The following FAF2 variants were observed in gnomAD, a reference collection of about 807,000 sequenced individuals.
FAF2 encodes the protein FAS-associated factor 2.
Under a neutral mutation model 62.3 loss-of-function variants are expected in FAF2, and 9 were observed. That is an observed-to-expected ratio of 0.14 (90% CI 0.09 to 0.25). The LOEUF (loss-of-function observed/expected upper bound fraction) is 0.25. Ranked by LOEUF, FAF2 falls within the 10% of genes least tolerant of loss-of-function variation. The pLI, the probability that FAF2 is intolerant of heterozygous loss-of-function variation, is 1.00. For missense variants in FAF2, 368 were observed against 556.2 expected, an observed-to-expected ratio of 0.66 and a Z score of 3.40; for synonymous variants, 202 against 198.0, an observed-to-expected ratio of 1.02 and a Z score of -0.17.
Position 176,496,524 on chromosome 5 carries a change from G to A in FAF2, c.700G>A (p.Ala234Thr). Reference protein sequence around the residue: ...ALRENTYPFLAMIMLKDRRMT... With the variant: ...ALRENTYPFLTMIMLKDRRMT... ...ACGAGAGAACACCTATCCATTCCTGGCCATGATTATGCTGAAGGATCGAAG... is the reference window on the plus strand; with the variant it reads ...ACGAGAGAACACCTATCCATTCCTGACCATGATTATGCTGAAGGATCGAAG... The change falls in exon 8 of 11, where the codon GCC (alanine) becomes ACC (threonine). Residue 234 changes from alanine (A) to threonine (T), a missense_variant. Ala to Thr is a moderately conservative substitution (Grantham distance 58). Coordinates refer to ENST00000261942, the MANE Select transcript of FAF2 (RefSeq NM_014613.3). 6.2e-7 allele frequency: 1 copy of A among 1,610,800 alleles called. No individual in the cohort carries two copies. The highest frequency in any genetic ancestry group is 1.1e-5 in the South Asian group (1 of 90,710).
At chr5:176,461,587 C>G (rs968415726) in intron 1 of FAF2, among the ~76,000 whole-genome samples, 1 of 151,750 alleles carries the variant, frequency 6.6e-6, no homozygotes, top group Non-Finnish European at 1.5e-5. Context: ...CTTGGCCTCC[C>G]CTAGTGATGG....
At chr5:176,501,475 T>A (rs1168957820) in intron 10 of FAF2, among the ~76,000 whole-genome samples, 1 of 152,212 alleles carries the variant, frequency 6.6e-6, no homozygotes, top group Non-Finnish European at 1.5e-5. Context: ...GGCCTCAGAT[T>A]TCCCATTAGT....
At chr5:176,457,783 T>A (rs1758302851) in intron 1 of FAF2, among the ~76,000 whole-genome samples, 2 of 152,130 alleles carry the variant, frequency 1.3e-5, no homozygotes, top group Admixed American at 1.3e-4. Context: ...AAGGAAATTA[T>A]GAAAACTTTC....
At chr5:176,450,668 C>T (rs748760113) in intron 1 of FAF2, among the ~76,000 whole-genome samples, 1 of 152,044 alleles carries the variant, frequency 6.6e-6, no homozygotes, top group Non-Finnish European at 1.5e-5. Flanking sequence ...ATTCTCCTGC[C>T]TCAGCCTCTC....
In FAF2 at chr5:176,508,819, A is replaced by C. The variant is rs973774604; in HGVS notation, c.*1869A>C. 1.3e-5 allele frequency: 2 copies of C among 152,252 alleles called. No homozygotes were observed. Among genetic ancestry groups the C allele is most frequent in the Admixed American group, 6.5e-5 (1 of 15,280 alleles). The allele number at this position is 152,252 out of a possible 1,614,324, so 9.4% of individuals were successfully genotyped here. The stretch of plus-strand genomic sequence containing the variant: ...ACGTGAAACCTTCCTGCTGACAACC[A>C]TGCAGAGGAATTTTTCCACTTAAGT... On this transcript the variant is annotated 3_prime_UTR_variant, in exon 11 of 11. Coordinates refer to ENST00000261942, the MANE Select transcript of FAF2 (RefSeq NM_014613.3).
intron 2 of FAF2, among the ~76,000 whole-genome samples, chr5:176,482,895 T>TTTGCTG (rs944584335): frequency 1.3e-4 from 20 of 151,552 alleles, no homozygotes; most frequent in African/African-American, 4.6e-4. Context: ...GGTTTGTGGT[T>TTTGCTG]TTGTTGTTGT....
At chr5:176,479,970 C>T (rs1248605225) in intron 2 of FAF2, among the ~76,000 whole-genome samples, 1 of 152,196 alleles carries the variant, frequency 6.6e-6, no homozygotes, top group Non-Finnish European at 1.5e-5. Context: ...GCTGGGATTA[C>T]AGGCGTGAGC....
chr5:176,477,755 T>G (rs550742090), intron 1 of FAF2, among the ~76,000 whole-genome samples: 1 of 152,314 alleles, frequency 6.6e-6, no homozygotes, highest in Admixed American at 6.5e-5. Context: ...GCATTCCACA[T>G]TAAACCCTTC....
intron 2 of FAF2, among the ~76,000 whole-genome samples, chr5:176,479,480 T>A (rs1174116267): frequency 6.6e-6 from 1 of 152,208 alleles, no homozygotes; most frequent in Non-Finnish European, 1.5e-5. Context: ...TACTGTTTGT[T>A]AGTATCTTGT....
intron 1 of FAF2, among the ~76,000 whole-genome samples, chr5:176,454,333 C>T (rs1037780827): frequency 6.6e-6 from 1 of 152,056 alleles, no homozygotes; most frequent in African/African-American, 2.4e-5. Flanking sequence ...GCGGAGGTTG[C>T]AGTGAGCCGA....
Position 176,474,208 on chromosome 5 carries a change from T to C in FAF2, c.64-4980T>C, listed in dbSNP as rs115264098. Among the ~76,000 whole-genome samples, 1,284 of 152,330 alleles carry C rather than the reference T, an allele frequency of 8.4e-3. 22 individuals carry two copies. Among genetic ancestry groups the C allele is most frequent in the African/African-American group, 0.029 (1,215 of 41,582 alleles). ...TCCAATTCTATCCATTACCACTCTA[T>C]CCATTCTAGCCTTCTTCCTTTGGTT... On this transcript the variant is annotated intron_variant, in intron 1 of 10. Coordinates refer to ENST00000261942, the MANE Select transcript of FAF2 (RefSeq NM_014613.3).
In FAF2 at chr5:176,479,267, A is replaced by G; in HGVS notation, c.132+11A>G. The stretch of plus-strand genomic sequence containing the variant: ...AACTGGAACATAGAGGTATAATAGG[A>G]TGTGTTCTGAGCTTATTTCTTTTTC... On this transcript the variant is annotated intron_variant, in intron 2 of 10. Coordinates refer to ENST00000261942, the MANE Select transcript of FAF2 (RefSeq NM_014613.3). 6.2e-7 allele frequency: 1 copy of G among 1,604,780 alleles called. No individual in the cohort carries two copies. The highest frequency in any genetic ancestry group is 8.5e-7 in the Non-Finnish European group (1 of 1,171,564).
At chr5:176,486,130 G>A (rs916859234) in intron 2 of FAF2, among the ~76,000 whole-genome samples, 2 of 152,182 alleles carry the variant, frequency 1.3e-5, no homozygotes, top group Non-Finnish European at 1.5e-5. Flanking sequence ...GTAGCTTCCA[G>A]ACAAGTTTCC....
At chr5:176,448,706 C>T (rs1758113281) in intron 1 of FAF2, among the ~76,000 whole-genome samples, 1 of 152,100 alleles carries the variant, frequency 6.6e-6, no homozygotes, top group Non-Finnish European at 1.5e-5. Flanking sequence ...GTGCCCTCAG[C>T]GTGTCAGCTT....
rs1759036965 is a variant in FAF2 at position 176,494,927 on chromosome 5, C to T, written c.661+652C>T. ...TCACATTCAGCATTGCCAAAGCCTG[C>T]CACATTCATAGAAATACCCAGTCTT... On this transcript the variant is annotated intron_variant, in intron 7 of 10. Coordinates refer to ENST00000261942, the MANE Select transcript of FAF2 (RefSeq NM_014613.3). The surrounding 1 kb of genome is among the most constrained non-coding windows in gnomAD (Gnocchi z 4.0). Among the ~76,000 whole-genome samples the T allele has an allele frequency of 6.6e-6, 1 of 152,154 alleles. No individual in the cohort carries two copies. Among genetic ancestry groups the T allele is most frequent in the South Asian group, 2.1e-4 (1 of 4,828 alleles).
intron 1 of FAF2, 27 bp downstream of exon 1, chr5:176,448,497 A>G (rs757663187): frequency 6.3e-7 from 1 of 1,575,892 alleles, no homozygotes; most frequent in Admixed American, 1.9e-5. Context: ...GGTGCAGCAG[A>G]TGCCTCCGTG....
intron 1 of FAF2, among the ~76,000 whole-genome samples, chr5:176,477,132 A>T (rs1237064328): frequency 3.1e-5 from 3 of 96,170 alleles, no homozygotes; most frequent in East Asian, 3.5e-4. Context: ...TTTTAAGTTG[A>T]GGCGGGGTTT....
At chr5:176,470,656 G>C (rs1758550569) in intron 1 of FAF2, among the ~76,000 whole-genome samples, 1 of 152,196 alleles carries the variant, frequency 6.6e-6, no homozygotes, top group African/African-American at 2.4e-5. Context: ...CACAAAAACT[G>C]ATAGAAAACC....
At chr5:176,469,538 A>T (rs1425047129) in intron 1 of FAF2, among the ~76,000 whole-genome samples, 1 of 152,250 alleles carries the variant, frequency 6.6e-6, no homozygotes, top group Non-Finnish European at 1.5e-5. Context: ...GGCTTGAGAC[A>T]TACTTAGCAT....
Sources: gnomAD v4.1 joint callset for allele counts (sites outside exome capture counted in the v4.1 genomes callset) on GRCh38, gnomAD v4.1.1 for gene constraint, Gnocchi (gnomAD v3.1) non-coding constraint, MANE v1.5 for transcripts, NCBI Gene and HGNC (gene_info 2026-07-23, HGNC 2026-07-21) for gene names.